Variants in USP34 observed in about 807,000 individuals in gnomAD.
The protein encoded by USP34 is ubiquitin specific peptidase 34.
USP34 carries 70 observed loss-of-function variants against 460.3 expected under a neutral mutation model. That is an observed-to-expected ratio of 0.15 (90% confidence interval 0.13 to 0.19). The LOEUF is 0.19. Among genes scored for constraint, USP34 ranks in the 10% least tolerant of loss-of-function variants. The pLI is 1.00. For missense variants in USP34, 3,985 were observed against 4,236.2 expected, an observed-to-expected ratio of 0.94 and a Z score of 1.65; for synonymous variants, 1,647 against 1,405.3, an observed-to-expected ratio of 1.17 and a Z score of -3.85.
chr2:61,252,649 G>C (rs1032490101), intron 48 of USP34, among the ~76,000 whole-genome samples: 1 of 152,210 alleles, frequency 6.6e-6, no homozygotes, highest in Non-Finnish European at 1.5e-5. Context: ...TACAGGCAGA[G>C]GGAATAAAAA....
chr2:61,433,856 C>A (rs1694742881), intron 1 of USP34, among the ~76,000 whole-genome samples: 2 of 152,158 alleles, frequency 1.3e-5, no homozygotes, highest in South Asian at 4.1e-4. Context: ...GGGCCAGTAG[C>A]CACTGCACCT....
intron 1 of USP34, among the ~76,000 whole-genome samples, chr2:61,437,109 A>C (rs1243785958): frequency 6.6e-6 from 1 of 152,212 alleles, no homozygotes; most frequent in Non-Finnish European, 1.5e-5. Context: ...AAGATTTCAA[A>C]CAACCAATGA....
In USP34 at chr2:61,283,127, C is replaced by T; in HGVS notation, c.4998+18G>A. 5.6e-6 allele frequency: 9 copies of T among 1,610,632 alleles called. No homozygotes were observed. Among genetic ancestry groups the T allele is most frequent in the Non-Finnish European group, 7.6e-6 (9 of 1,178,524 alleles). On this transcript the variant is annotated intron_variant, in intron 37 of 79. Coordinates refer to ENST00000398571, the MANE Select transcript of USP34 (RefSeq NM_014709.4). ...ACATACAAAAAATAACAGTACTAAC[C>T]TTCAATCTTTATCTTACCTCAGGAA...
chr2:61,242,884 T>C (rs1307903643), intron 51 of USP34, among the ~76,000 whole-genome samples: 1 of 152,124 alleles, frequency 6.6e-6, no homozygotes, highest in Non-Finnish European at 1.5e-5. Context: ...GTTTTGCTCA[T>C]CTCCCAGGCT....
chr2:61,356,475 G>GCGCGCACGCACACA lies in USP34; in HGVS notation c.1252-5783_1252-5782insTGTGTGCGTGCGCG, dbSNP rs369666693. On this transcript the variant is annotated intron_variant, in intron 10 of 79. Transcript: ENST00000398571. Reference sequence around the variant, plus strand: ...ACAGCACTCCAGCCTGGGTGAAAGCGCACACACACACACACACACACACAT... The same window carrying GCGCGCACGCACACA: ...ACAGCACTCCAGCCTGGGTGAAAGCGCGCGCACGCACACACACACACACACACACACACACACAT... 9.5e-3 allele frequency among the ~76,000 whole-genome samples: 1,217 copies of GCGCGCACGCACACA among 128,386 alleles called. 13 individuals carry two copies. Among genetic ancestry groups the GCGCGCACGCACACA allele is most frequent in the African/African-American group, 0.032 (1,172 of 37,120 alleles). 84.2% of individuals were successfully genotyped at this position (128,386 alleles called of 152,430 possible). A position where few individuals can be genotyped will look rare whatever the true frequency, so the allele number is the denominator to read the frequency against.
At chr2:61,436,098 C>G (rs55683289) in intron 1 of USP34, among the ~76,000 whole-genome samples, 1 of 151,948 alleles carries the variant, frequency 6.6e-6, no homozygotes, top group Admixed American at 6.6e-5. Flanking sequence ...ATGCTGTCAA[C>G]AAGATACTAA....
chr2:61,266,176 T>A lies in USP34; in HGVS notation c.5434-9A>T. The A allele has an allele frequency of 6.2e-7, 1 of 1,601,182 alleles. No individual in the cohort carries two copies. The highest frequency in any genetic ancestry group is 8.5e-7 in the Non-Finnish European group (1 of 1,170,504). ...ATATCTCTCAAAAATTCCTGGGGAG[T>A]AAAAGGAAACATGTTATCTAAACTG... On this transcript the variant is annotated splice_polypyrimidine_tract_variant and intron_variant, in intron 41 of 79. Coordinates refer to ENST00000398571, the MANE Select transcript of USP34 (RefSeq NM_014709.4).
At chr2:61,348,603 C>A (rs902322366) in intron 14 of USP34, 123 bp from the exon 15 acceptor site, 3 of 1,441,498 alleles carry the variant, frequency 2.1e-6, no homozygotes, top group Non-Finnish European at 2.7e-6. Flanking sequence ...TTGAACAATA[C>A]AAAATGGAAT....
chr2:61,462,256 AAAAG>A (rs1233762906), intron 1 of USP34, among the ~76,000 whole-genome samples: 1 of 150,530 alleles, frequency 6.6e-6, no homozygotes, highest in Non-Finnish European at 1.5e-5. Context: ...AAAAAAAAAA[AAAAG>A]AAAATCAGCC....
chr2:61,375,661 C>T (rs1176713393), intron 8 of USP34, among the ~76,000 whole-genome samples: 1 of 147,826 alleles, frequency 6.8e-6, no homozygotes, highest in Non-Finnish European at 1.5e-5. Flanking sequence ...CCCAGCTACT[C>T]GGGAGGCTGA....
At chr2:61,233,357 G>A (rs966465048) in intron 57 of USP34, among the ~76,000 whole-genome samples, 6 of 151,634 alleles carry the variant, frequency 4.0e-5, no homozygotes, top group African/African-American at 1.5e-4. Flanking sequence ...CAGCACAAAT[G>A]ACAAAAAATG....
intron 2 of USP34, among the ~76,000 whole-genome samples, chr2:61,408,217 T>G (rs1693937901): frequency 6.6e-6 from 1 of 152,198 alleles, no homozygotes; most frequent in Non-Finnish European, 1.5e-5. Flanking sequence ...ATGAGCTTTT[T>G]ACATGACTAT....
At chr2:61,317,913 TATA>T in intron 22 of USP34, 146 bp from the exon 23 acceptor site, 1 of 614,374 alleles carries the variant, frequency 1.6e-6, no homozygotes, top group Non-Finnish European at 2.6e-6. Context: ...AATAAAAATA[TATA>T]ATAATTTTGC....
At chr2:61,227,816 C>T (rs1687774556) in intron 61 of USP34, among the ~76,000 whole-genome samples, 1 of 151,960 alleles carries the variant, frequency 6.6e-6, no homozygotes, top group South Asian at 2.1e-4. Context: ...TATAAGCAAG[C>T]TCATTGGAAG....
At position 61,383,255 on chromosome 2, in the gene USP34, T is replaced by C. The variant is rs1372334253; in HGVS notation, c.821+14A>G. ...ACACTGATAATCGGGGGTAAAGAAATTTTATAAACTTACCTAATAACATAG... is the reference window on the plus strand; with the variant it reads ...ACACTGATAATCGGGGGTAAAGAAACTTTATAAACTTACCTAATAACATAG... On this transcript the variant is annotated intron_variant, in intron 6 of 79. Transcript: ENST00000398571. The C allele has an allele frequency of 1.5e-5, 24 of 1,576,922 alleles. No homozygotes were observed. The highest frequency in any genetic ancestry group is 1.9e-5 in the Non-Finnish European group (22 of 1,161,932).
intron 12 of USP34, among the ~76,000 whole-genome samples, 165 bp downstream of exon 12, chr2:61,350,095 C>T (rs533818819): frequency 6.6e-6 from 1 of 152,004 alleles, no homozygotes; most frequent in South Asian, 2.1e-4. Flanking sequence ...AAAAGGTAAA[C>T]CAAAACACGA....
intron 68 of USP34, among the ~76,000 whole-genome samples, chr2:61,212,549 A>G (rs995171908): frequency 6.6e-6 from 1 of 152,234 alleles, no homozygotes; most frequent in African/African-American, 2.4e-5. Context: ...TGATGAATAA[A>G]AAGTAAAAAC....
chr2:61,244,415 G>A (rs943291715), intron 51 of USP34, among the ~76,000 whole-genome samples: 2 of 152,056 alleles, frequency 1.3e-5, no homozygotes, highest in African/African-American at 4.8e-5. Flanking sequence ...AGGGGTTTGA[G>A]ACCAGCCTGG....
chr2:61,239,997 C>T lies in USP34; in HGVS notation c.6777+1563G>A, dbSNP rs1030922437. On this transcript the variant is annotated intron_variant, in intron 53 of 79. Coordinates refer to ENST00000398571, the MANE Select transcript of USP34 (RefSeq NM_014709.4). The stretch of plus-strand genomic sequence containing the variant: ...CTGCACTCCAGCCTGGGCGACAGAG[C>T]GAGACTCCTTCTCAAAAAAAAAAAA... 3.4e-3 allele frequency among the ~76,000 whole-genome samples: 400 copies of T among 117,002 alleles called. 1 individual carries two copies. Among genetic ancestry groups the T allele is most frequent in the African/African-American group, 0.014 (378 of 27,130 alleles). The allele number at this position is 117,002 out of a possible 152,430, so 76.8% of individuals were successfully genotyped here.
Sources: gnomAD v4.1 joint callset for allele counts (sites outside exome capture counted in the v4.1 genomes callset) on GRCh38, gnomAD v4.1.1 for gene constraint, MANE v1.5 for transcripts, NCBI Gene and HGNC (gene_info 2026-07-23, HGNC 2026-07-21) for gene names.